IL1RAPL1: variants seen among roughly 807,000 people sequenced by gnomAD.
IL1RAPL1 encodes the protein interleukin 1 receptor accessory protein like 1, also known as interleukin-1 receptor accessory protein-like 1.
Under a neutral mutation model 48.4 loss-of-function variants are expected in IL1RAPL1, and 3 were observed. The ratio of observed to expected loss-of-function variants is 0.06; its 90% CI spans 0.03 to 0.16. The LOEUF is 0.16. IL1RAPL1 is among the 10% of genes least tolerant of loss of function. IL1RAPL1 has a pLI of 1.00. For synonymous variants in IL1RAPL1, 185 were observed against 187.7 expected (o/e 0.99, Z 0.12); for missense variants, 349 against 530.6 (o/e 0.66, Z 3.36).
intron 1 of IL1RAPL1, among the ~76,000 whole-genome samples, chrX:28,783,530 CAG>C (rs1317541045): frequency 2.7e-5 from 3 of 111,127 alleles, no homozygotes; most frequent in African/African-American, 9.8e-5. Flanking sequence ...CAAATTCCCA[CAG>C]AGTTTTGTCA....
At chrX:28,847,202 C>T (rs1601929350) in intron 2 of IL1RAPL1, among the ~76,000 whole-genome samples, 1 of 110,954 alleles carries the variant, frequency 9.0e-6, no homozygotes, top group Middle Eastern at 4.6e-3. Context: ...GCACTCCAGT[C>T]TATCAGCAAA....
intron 2 of IL1RAPL1, among the ~76,000 whole-genome samples, chrX:29,126,118 A>T (rs1928894493): frequency 9.0e-6 from 1 of 111,637 alleles, no homozygotes; most frequent in South Asian, 3.8e-4. Flanking sequence ...TGCTTCAAAG[A>T]ATAGCTAATT....
chrX:29,399,734 A>G (rs187635117), intron 5 of IL1RAPL1, among the ~76,000 whole-genome samples: 1 of 108,632 alleles, frequency 9.2e-6, no homozygotes, highest in Non-Finnish European at 1.9e-5. Context: ...CAGGAGAATC[A>G]CTCGAACCCA....
In IL1RAPL1 at chrX:29,009,075, C is replaced by G. The variant is rs773987585; in HGVS notation, c.82+219650C>G. Reference sequence around the variant, plus strand: ...CGTAGATGTGGCTGGAAGCCATTAGCCAAAGCAAACTAATGCAGGAACAAA... The same window carrying G: ...CGTAGATGTGGCTGGAAGCCATTAGGCAAAGCAAACTAATGCAGGAACAAA... On this transcript the variant is annotated intron_variant, in intron 2 of 10. Coordinates refer to ENST00000378993, the MANE Select transcript of IL1RAPL1 (RefSeq NM_014271.4). 7.2e-5 allele frequency among the ~76,000 whole-genome samples: 8 copies of G among 111,658 alleles called. No homozygotes were observed. In the East Asian group the frequency reaches 1.2e-3, roughly 16 times the overall value.
At chrX:28,803,738 A>T (rs1007764929) in intron 2 of IL1RAPL1, among the ~76,000 whole-genome samples, 1 of 111,927 alleles carries the variant, frequency 8.9e-6, no homozygotes, top group Admixed American at 9.5e-5. Context: ...CATGGAACCT[A>T]CTTCTTCTTA....
intron 2 of IL1RAPL1, among the ~76,000 whole-genome samples, chrX:29,221,750 C>T (rs1473969045): frequency 9.1e-6 from 1 of 110,344 alleles, no homozygotes. Context: ...CAGTGGCTCA[C>T]GCCCGTAATG....
intron 6 of IL1RAPL1, among the ~76,000 whole-genome samples, chrX:29,891,848 T>C (rs1052785469): frequency 4.5e-5 from 5 of 111,615 alleles, no homozygotes; most frequent in African/African-American, 1.6e-4. Context: ...CTTCATTAAT[T>C]ATGATTGACT....
chrX:29,827,263 A>G (rs1930757996), intron 6 of IL1RAPL1, among the ~76,000 whole-genome samples: 1 of 112,494 alleles, frequency 8.9e-6, no homozygotes, highest in African/African-American at 3.2e-5. Flanking sequence ...GCTGTGTATA[A>G]TTGTTTTTGT....
At chrX:29,576,092 T>C (rs1922764787) in intron 5 of IL1RAPL1, among the ~76,000 whole-genome samples, 2 of 112,304 alleles carry the variant, frequency 1.8e-5, no homozygotes, top group African/African-American at 6.5e-5. Context: ...TGCATCATCA[T>C]TTATAAAATA....
intron 5 of IL1RAPL1, among the ~76,000 whole-genome samples, chrX:29,620,846 T>A (rs1924438815): frequency 8.9e-6 from 1 of 112,718 alleles, no homozygotes; most frequent in South Asian, 3.6e-4. Flanking sequence ...TCAGTCTTTC[T>A]TAACTTGGGT....
intron 5 of IL1RAPL1, among the ~76,000 whole-genome samples, chrX:29,626,300 T>A (rs934841544): frequency 8.9e-6 from 1 of 112,073 alleles, no homozygotes; most frequent in Non-Finnish European, 1.9e-5. Context: ...AAGTGGCAAG[T>A]GAGAATCAGC....
intron 1 of IL1RAPL1, among the ~76,000 whole-genome samples, chrX:28,621,617 C>T (rs1038513812): frequency 9.0e-6 from 1 of 111,685 alleles, no homozygotes; most frequent in African/African-American, 3.3e-5. Context: ...TTCTTTGACA[C>T]CTGTATCTTA....
intron 2 of IL1RAPL1, among the ~76,000 whole-genome samples, chrX:28,909,572 A>C (rs1226998948): frequency 8.9e-6 from 1 of 111,738 alleles, no homozygotes; most frequent in Non-Finnish European, 1.9e-5. Context: ...TCAGATGATT[A>C]ACTCAATCCT....
chrX:29,223,606 G>A (rs1355006842), intron 2 of IL1RAPL1, among the ~76,000 whole-genome samples: 1 of 106,389 alleles, frequency 9.4e-6, no homozygotes, highest in Non-Finnish European at 1.9e-5. Flanking sequence ...GTGCAATGGT[G>A]CGATCTCGGC....
intron 5 of IL1RAPL1, among the ~76,000 whole-genome samples, chrX:29,491,580 CTATT>C (rs1158975153): frequency 8.9e-6 from 1 of 112,257 alleles, no homozygotes; most frequent in Non-Finnish European, 1.9e-5. Context: ...GGTAATGTCT[CTATT>C]TAGTTTCTTA....
chrX:29,286,510 C>G (rs1040150235), intron 3 of IL1RAPL1, among the ~76,000 whole-genome samples: 1 of 110,199 alleles, frequency 9.1e-6, no homozygotes, highest in Non-Finnish European at 1.9e-5. Flanking sequence ...AGTGAGACCC[C>G]GTGTCTACAA....
intron 2 of IL1RAPL1, among the ~76,000 whole-genome samples, chrX:28,947,649 A>G (rs1924342202): frequency 9.0e-6 from 1 of 111,538 alleles, no homozygotes; most frequent in African/African-American, 3.3e-5. Flanking sequence ...AACACGGCAC[A>G]TGTGTACGTA....
rs180907082 is a variant in IL1RAPL1, at chrX:29,173,503, G to A, written c.83-109435G>A. Among the ~76,000 whole-genome samples the A allele has an allele frequency of 4.5e-5, 5 of 111,889 alleles. No homozygotes were observed. In the Admixed American group the frequency reaches 4.8e-4, roughly 11 times the overall value. On this transcript the variant is annotated intron_variant, in intron 2 of 10. Transcript: ENST00000378993. Reference sequence around the variant, plus strand: ...CTTTGTGGTCCAGCAGCTACTCTAAGTAAAGTCTCATTTTGACTGTTCTGT... The same window carrying A: ...CTTTGTGGTCCAGCAGCTACTCTAAATAAAGTCTCATTTTGACTGTTCTGT...
intron 2 of IL1RAPL1, among the ~76,000 whole-genome samples, chrX:28,865,807 C>G (rs921508930): frequency 5.4e-5 from 6 of 111,771 alleles, no homozygotes; most frequent in Admixed American, 1.9e-4. Context: ...AAATATGCCT[C>G]AAGATGAAAT....
Sources: allele counts gnomAD v4.1 joint callset (sites outside exome capture counted in the v4.1 genomes callset), GRCh38; gene constraint gnomAD v4.1.1; transcripts MANE v1.5; gene names NCBI Gene and HGNC (gene_info 2026-07-23, HGNC 2026-07-21).